Variants in DPYSL2 observed in about 807,000 individuals in gnomAD.
DPYSL2 encodes dihydropyrimidinase-related protein 2.
A neutral mutation model predicts 69.9 loss-of-function variants in DPYSL2; 13 were observed. That is an observed-to-expected ratio of 0.19 (90% CI 0.12 to 0.30). The LOEUF is 0.30. DPYSL2 is among the 10% of genes least tolerant of loss of function. The probability of loss-of-function intolerance (pLI) is 1.00; values close to 1 mark genes in which losing one functional copy is unlikely to be tolerated. For synonymous variants in DPYSL2, 326 were observed against 359.1 expected (o/e 0.91, Z 1.04); for missense variants, 587 against 918.9 (o/e 0.64, Z 4.67).
intron 1 of DPYSL2, among the ~76,000 whole-genome samples, chr8:26,524,588 A>G (rs777406043): frequency 6.6e-6 from 1 of 152,048 alleles, no homozygotes; most frequent in Non-Finnish European, 1.5e-5. Flanking sequence ...ACCTGAGGTC[A>G]GGAGTTTGAG....
intron 7 of DPYSL2, among the ~76,000 whole-genome samples, chr8:26,631,351 C>T (rs1036582200): frequency 1.1e-4 from 16 of 152,192 alleles, no homozygotes; most frequent in African/African-American, 3.1e-4. Context: ...GGCAAGAGAG[C>T]GAGTGAGCAG....
intron 1 of DPYSL2, among the ~76,000 whole-genome samples, chr8:26,575,539 G>C (rs1046355886): frequency 1.2e-4 from 18 of 152,120 alleles, no homozygotes; most frequent in Non-Finnish European, 1.5e-5. Flanking sequence ...TTAGGCTCTA[G>C]TCAGAACAGA....
chr8:26,639,686 T>A (rs1802997146), intron 8 of DPYSL2, among the ~76,000 whole-genome samples: 1 of 152,212 alleles, frequency 6.6e-6, no homozygotes, highest in South Asian at 2.1e-4. Flanking sequence ...TACTTGTTAA[T>A]TTTACAAAAA....
chr8:26,597,767 C>A lies in DPYSL2; in HGVS notation c.628+13784C>A, dbSNP rs1276964483. Among the ~76,000 whole-genome samples the A allele has an allele frequency of 6.8e-6, 1 of 148,012 alleles. No homozygotes were observed. Among genetic ancestry groups the A allele is most frequent in the Non-Finnish European group, 1.5e-5 (1 of 67,296 alleles). On this transcript the variant is annotated intron_variant, in intron 3 of 13. Transcript: ENST00000521913. This position sits in a 1 kb window ranked among gnomAD's most constrained non-coding sequence, Gnocchi z 5.2. ...GGGATTACAGGCAAGAGCCACCGCA[C>A]CTGGCCTCTTTTTTTTTTTTTTTTT... is the stretch of plus-strand genomic sequence containing the variant.
intron 7 of DPYSL2, among the ~76,000 whole-genome samples, chr8:26,632,090 A>T (rs538710137): frequency 6.5e-4 from 99 of 152,280 alleles, no homozygotes; most frequent in African/African-American, 2.0e-3. Context: ...TTCCTAACCC[A>T]CTAGGCCTTT....
intron 1 of DPYSL2, among the ~76,000 whole-genome samples, chr8:26,530,393 A>T (rs17403886): frequency 1.3e-5 from 2 of 152,120 alleles, no homozygotes; most frequent in African/African-American, 4.8e-5. Flanking sequence ...ATTTCTTGTG[A>T]TAACATTCAA....
intron 1 of DPYSL2, among the ~76,000 whole-genome samples, chr8:26,557,852 C>T (rs888152832): frequency 1.3e-5 from 2 of 151,774 alleles, no homozygotes; most frequent in Non-Finnish European, 2.9e-5. Context: ...GTTAGGATGG[C>T]CAACATTCAT....
Position 26,580,967 on chromosome 8 carries a change from T to C in DPYSL2, c.355-1002T>C, listed in dbSNP as rs1325327063. ...TATCTGCTGCTTGTCCTTTATTTTTTAGCATAAATATCACCGGTTAAAATA... is the reference window on the plus strand; with the variant it reads ...TATCTGCTGCTTGTCCTTTATTTTTCAGCATAAATATCACCGGTTAAAATA... On this transcript the variant is annotated intron_variant, in intron 1 of 13. Coordinates refer to ENST00000521913, the MANE Select transcript of DPYSL2 (RefSeq NM_001197293.3). The surrounding 1 kb of genome is among the most constrained non-coding windows in gnomAD (Gnocchi z 4.1). 6.6e-6 allele frequency among the ~76,000 whole-genome samples: 1 copy of C among 152,212 alleles called. No homozygotes were observed. Among genetic ancestry groups the C allele is most frequent in the East Asian group, 1.9e-4 (1 of 5,202 alleles).
chr8:26,618,590 A>G (rs1459007842), intron 3 of DPYSL2, among the ~76,000 whole-genome samples: 1 of 146,822 alleles, frequency 6.8e-6, no homozygotes, highest in Non-Finnish European at 1.5e-5. Context: ...AAGTGCTGAG[A>G]TTACAGGTGT....
At chr8:26,567,885 T>C (rs1160329953) in intron 1 of DPYSL2, among the ~76,000 whole-genome samples, 1 of 152,224 alleles carries the variant, frequency 6.6e-6, no homozygotes, top group Admixed American at 6.5e-5. Context: ...CTTCCATCAG[T>C]GCCCTGTCCC....
chr8:26,539,006 A>G (rs1276474740), intron 1 of DPYSL2, among the ~76,000 whole-genome samples: 21 of 152,128 alleles, frequency 1.4e-4, no homozygotes, highest in Non-Finnish European at 2.9e-5. Context: ...TCCCCCTTCT[A>G]GTAGTTCCCA....
At chr8:26,561,058 C>G (rs2094288274) in intron 1 of DPYSL2, among the ~76,000 whole-genome samples, 1 of 152,052 alleles carries the variant, frequency 6.6e-6, no homozygotes, top group South Asian at 2.1e-4. Flanking sequence ...TTGAAAGAAG[C>G]AGGGGGAGGG....
chr8:26,547,712 C>T (rs1004312167), intron 1 of DPYSL2: 1 of 205,924 alleles, frequency 4.9e-6, no homozygotes, highest in Non-Finnish European at 1.0e-5. Context: ...AGCAGCATGG[C>T]CCAGCCTTGT....
intron 1 of DPYSL2, among the ~76,000 whole-genome samples, chr8:26,577,667 G>T (rs1250881613): frequency 6.6e-6 from 1 of 151,010 alleles, no homozygotes; most frequent in Non-Finnish European, 1.5e-5. Flanking sequence ...CCGCGCCTGG[G>T]GCCGCCGCCA....
chr8:26,536,298 A>G (rs1265799391), intron 1 of DPYSL2, among the ~76,000 whole-genome samples: 1 of 151,780 alleles, frequency 6.6e-6, no homozygotes, highest in Admixed American at 6.6e-5. Flanking sequence ...GCTTATCTCA[A>G]ACTTCTGGGC....
intron 3 of DPYSL2, among the ~76,000 whole-genome samples, chr8:26,607,322 T>C (rs1802127987): frequency 6.9e-6 from 1 of 144,820 alleles, no homozygotes; most frequent in South Asian, 2.2e-4. Flanking sequence ...CCATCTCTAC[T>C]AAAAATACAA....
At chr8:26,555,464 C>A (rs890047510) in intron 1 of DPYSL2, among the ~76,000 whole-genome samples, 1 of 152,014 alleles carries the variant, frequency 6.6e-6, no homozygotes, top group African/African-American at 2.4e-5. Flanking sequence ...CAGCAATGAA[C>A]AATTAGAATT....
intron 1 of DPYSL2, among the ~76,000 whole-genome samples, chr8:26,539,040 G>T (rs1800639471): frequency 6.6e-6 from 1 of 152,058 alleles, no homozygotes; most frequent in Admixed American, 6.5e-5. Flanking sequence ...CCATCTTTAT[G>T]TCCACTTGTA....
intron 3 of DPYSL2, among the ~76,000 whole-genome samples, chr8:26,594,717 A>G (rs1801819231): frequency 6.6e-6 from 1 of 152,182 alleles, no homozygotes; most frequent in Admixed American, 6.5e-5. Flanking sequence ...TCATCTGTTC[A>G]TCTTTCATAT....
Sources: gnomAD v4.1 joint callset for allele counts (sites outside exome capture counted in the v4.1 genomes callset) on GRCh38, gnomAD v4.1.1 for gene constraint, Gnocchi (gnomAD v3.1) non-coding constraint, MANE v1.5 for transcripts, NCBI Gene and HGNC (gene_info 2026-07-23, HGNC 2026-07-21) for gene names.